Variants in MAPDA observed in about 807,000 individuals in gnomAD.
The protein encoded by MAPDA is N6,N6-dimethyl-AMP deaminase.
the MAPDA span, among the ~76,000 whole-genome samples, chr15:43,335,389 C>T: frequency 1.1e-4 from 17 of 151,912 alleles, no homozygotes; most frequent in African/African-American, 3.9e-4. Flanking sequence ...TACAAAAATT[C>T]GCTGGGCTTG....
the MAPDA span, chr15:43,340,378 GT>G: frequency 6.3e-7 from 1 of 1,583,886 alleles, no homozygotes; most frequent in Non-Finnish European, 8.7e-7. Flanking sequence ...CTCAGCAAAT[GT>G]ACTGTCCTTT....
the MAPDA span, chr15:43,335,945 G>T: frequency 8.0e-7 from 1 of 1,252,808 alleles, no homozygotes; most frequent in Non-Finnish European, 1.1e-6. Flanking sequence ...ATGTGGTGTG[G>T]AGCATATATC....
At chr15:43,350,520 C>G in the MAPDA span, among the ~76,000 whole-genome samples, 2 of 152,156 alleles carry the variant, frequency 1.3e-5, no homozygotes, top group Non-Finnish European at 2.9e-5. Flanking sequence ...TTATAATGCT[C>G]TCACACCTGG....
chr15:43,334,794 C>T, the MAPDA span: 1 of 231,014 alleles, frequency 4.3e-6, no homozygotes, highest in Non-Finnish European at 8.4e-6. Context: ...AGGTCTTTTC[C>T]TGTTTCCAGT....
the MAPDA span, among the ~76,000 whole-genome samples, chr15:43,348,116 G>T: frequency 6.6e-6 from 1 of 152,214 alleles, no homozygotes; most frequent in Non-Finnish European, 1.5e-5. Flanking sequence ...GGATATAAAA[G>T]ATTTCATTTA....
At chr15:43,350,055 A>G in the MAPDA span, among the ~76,000 whole-genome samples, 1 of 151,970 alleles carries the variant, frequency 6.6e-6, no homozygotes, top group African/African-American at 2.4e-5. Flanking sequence ...GGAATTTGTT[A>G]ATAATAGGAG....
chr15:43,336,542 A>G, the MAPDA span: 6 of 996,610 alleles, frequency 6.0e-6, no homozygotes, highest in Admixed American at 2.0e-4. Flanking sequence ...ATATATATTT[A>G]CTATTAGCCT....
the MAPDA span, chr15:43,353,813 C>G: frequency 6.6e-6 from 1 of 152,294 alleles, no homozygotes; most frequent in African/African-American, 2.4e-5. Flanking sequence ...TATAGGAGCT[C>G]CCTGTCCCTT....
the MAPDA span, among the ~76,000 whole-genome samples, chr15:43,349,943 T>C: frequency 2.6e-5 from 4 of 152,162 alleles, no homozygotes; most frequent in Non-Finnish European, 5.9e-5. Flanking sequence ...TTAAACTGAG[T>C]GAGCCTGTGT....
chr15:43,330,543 G>T, the MAPDA span: 1 of 1,500,622 alleles, frequency 6.7e-7, no homozygotes. Context: ...CCGCCCCTTG[G>T]TTAGCACACA....
the MAPDA span, among the ~76,000 whole-genome samples, chr15:43,334,633 T>TAATATATATATATATATATA: frequency 4.9e-4 from 32 of 65,140 alleles, no homozygotes; most frequent in Admixed American, 1.1e-3. Flanking sequence ...CTCAAAAAAA[T>TAATATATATATATATATATA]TATATATATA....
At chr15:43,334,633 T>TTATTTATATATATATATA in the MAPDA span, among the ~76,000 whole-genome samples, 1 of 65,142 alleles carries the variant, frequency 1.5e-5, no homozygotes, top group South Asian at 5.7e-4. Flanking sequence ...CTCAAAAAAA[T>TTATTTATATATATATATA]TATATATATA....
At chr15:43,344,025 A>G in the MAPDA span, among the ~76,000 whole-genome samples, 1 of 152,158 alleles carries the variant, frequency 6.6e-6, no homozygotes, top group Non-Finnish European at 1.5e-5. Context: ...AGTAATAGCC[A>G]GTGTTTGTAA....
At chr15:43,343,114 C>T in the MAPDA span, 2 of 1,392,276 alleles carry the variant, frequency 1.4e-6, no homozygotes, top group Non-Finnish European at 1.9e-6. Context: ...ATTTACAAAA[C>T]CAGAATGTGA....
chr15:43,338,378 A>G, the MAPDA span, among the ~76,000 whole-genome samples: 1 of 152,248 alleles, frequency 6.6e-6, no homozygotes, highest in African/African-American at 2.4e-5. Flanking sequence ...GTGGCTGAAA[A>G]AATGATACTT....
chr15:43,334,665 T>TATATATATATATATA, the MAPDA span, among the ~76,000 whole-genome samples: 1 of 38,608 alleles, frequency 2.6e-5, no homozygotes, highest in Non-Finnish European at 1.2e-4. Context: ...ATATATATAT[T>TATATATATATATATA]TTATCCAAAG....
At chr15:43,332,472 G>C in the MAPDA span, 2 of 152,120 alleles carry the variant, frequency 1.3e-5, no homozygotes, top group Non-Finnish European at 2.9e-5. Flanking sequence ...AAATGTAGGT[G>C]TTATGTCAAA....
chr15:43,347,275 T>G, the MAPDA span, among the ~76,000 whole-genome samples: 1 of 152,232 alleles, frequency 6.6e-6, no homozygotes, highest in African/African-American at 2.4e-5. Context: ...CTGTTACTGT[T>G]TTTATCCTTT....
chr15:43,347,257 AG>A, the MAPDA span, among the ~76,000 whole-genome samples: 2 of 152,214 alleles, frequency 1.3e-5, no homozygotes, highest in African/African-American at 4.8e-5. Flanking sequence ...GACTTGCTTC[AG>A]TCTCTACTGT....
Sources: allele counts gnomAD v4.1 joint callset (sites outside exome capture counted in the v4.1 genomes callset), GRCh38; gene constraint gnomAD v4.1.1; transcripts MANE v1.5; gene names NCBI Gene and HGNC (gene_info 2026-07-23, HGNC 2026-07-21).